Variants in DYNLL1 observed in about 807,000 individuals in gnomAD.
The protein encoded by DYNLL1 is dynein light chain 1, cytoplasmic.
A neutral mutation model predicts 10.1 loss-of-function variants in DYNLL1; 3 were observed. The ratio of observed to expected loss-of-function variants is 0.30; its 90% CI spans 0.14 to 0.77. The LOEUF (loss-of-function observed/expected upper bound fraction) is 0.77. Ranked by LOEUF, DYNLL1 falls within the 30% of genes least tolerant of loss-of-function variation. The probability of loss-of-function intolerance (pLI) is 0.66; values close to 1 mark genes in which losing one functional copy is unlikely to be tolerated. For missense variants in DYNLL1, 47 were observed against 111.7 expected, an observed-to-expected ratio of 0.42 and a Z score of 2.61; for synonymous variants, 46 against 41.2, an observed-to-expected ratio of 1.12 and a Z score of -0.45.
chr12:120,496,037 C>T (rs1359077623), upstream of DYNLL1: 13 of 347,366 alleles, frequency 3.7e-5, no homozygotes, highest in Non-Finnish European at 6.5e-5. Flanking sequence ...AATAGGGTCG[C>T]GCGGCGAGGG....
At chr12:120,491,911 C>T (rs1879141212), upstream of DYNLL1, 1 of 152,202 alleles carries the variant, frequency 6.6e-6, no homozygotes, top group Non-Finnish European at 1.5e-5. Flanking sequence ...GAGCTCCTGC[C>T]AGGGGCCGAC....
intron 1 of DYNLL1, among the ~76,000 whole-genome samples, chr12:120,479,996 G>A (rs568895989): frequency 6.6e-6 from 1 of 152,262 alleles, no homozygotes; most frequent in East Asian, 1.9e-4. Context: ...TGATCAGTCT[G>A]GGGGAAGGGG....
chr12:120,485,700 G>A (rs997576130), intron 1 of DYNLL1, among the ~76,000 whole-genome samples: 1 of 151,896 alleles, frequency 6.6e-6, no homozygotes, highest in Non-Finnish European at 1.5e-5. Context: ...AATTAGCCAG[G>A]TGTGGTGGTG....
At chr12:120,482,948 G>A (rs1307944908) in intron 1 of DYNLL1, among the ~76,000 whole-genome samples, 6 of 152,002 alleles carry the variant, frequency 3.9e-5, no homozygotes, top group Non-Finnish European at 8.8e-5. Context: ...GGCATCGGTG[G>A]CTCGTGCCTG....
chr12:120,487,881 A>G (rs1879033347), intron 1 of DYNLL1, among the ~76,000 whole-genome samples: 1 of 152,218 alleles, frequency 6.6e-6, no homozygotes, highest in South Asian at 2.1e-4. Context: ...GTCACTGGTT[A>G]CAGAGAATAG....
intron 1 of DYNLL1, among the ~76,000 whole-genome samples, chr12:120,484,292 T>C (rs887524043): frequency 3.2e-5 from 4 of 125,976 alleles, no homozygotes; most frequent in Non-Finnish European, 6.2e-5. Context: ...GATAGGAGCA[T>C]GAACAGTTCA....
At chr12:120,471,750 A>G (rs775312829) in intron 1 of DYNLL1, among the ~76,000 whole-genome samples, 10 of 152,018 alleles carry the variant, frequency 6.6e-5, no homozygotes, top group Non-Finnish European at 1.0e-4. Context: ...AGCTGGGACT[A>G]CAGGTGCCTG....
chr12:120,482,633 A>T (rs79070547), intron 1 of DYNLL1, among the ~76,000 whole-genome samples: 4,417 of 152,016 alleles, frequency 0.029, 224 homozygotes, highest in African/African-American at 0.1. Context: ...AGCCAAAACA[A>T]TTTTTTTACA....
chr12:120,487,846 C>G (rs1006621839), intron 1 of DYNLL1, among the ~76,000 whole-genome samples: 3 of 152,194 alleles, frequency 2.0e-5, no homozygotes, highest in Non-Finnish European at 4.4e-5. Context: ...CTTCACTCCA[C>G]TGCTTAGATA....
intron 1 of DYNLL1, among the ~76,000 whole-genome samples, chr12:120,471,692 G>A (rs1272705673): frequency 2.6e-5 from 4 of 151,860 alleles, no homozygotes; most frequent in Non-Finnish European, 5.9e-5. Context: ...CTCACTGCAA[G>A]CTCCGCCTCC....
At chr12:120,483,120 A>G (rs2137061951) in intron 1 of DYNLL1, among the ~76,000 whole-genome samples, 1 of 152,148 alleles carries the variant, frequency 6.6e-6, no homozygotes, top group African/African-American at 2.4e-5. Context: ...CGGGTGGATC[A>G]CAAGGTCAGG....
At chr12:120,484,020 G>A (rs1878940672) in intron 1 of DYNLL1, among the ~76,000 whole-genome samples, 1 of 152,120 alleles carries the variant, frequency 6.6e-6, no homozygotes, top group South Asian at 2.1e-4. Flanking sequence ...TGAGCTGTGT[G>A]GGTGCAGTGG....
intron 2 of DYNLL1, chr12:120,496,876 A>AG: frequency 6.7e-6 from 2 of 296,710 alleles, no homozygotes; most frequent in East Asian, 6.5e-5. Context: ...GGTGTTCCGG[A>AG]GGGGGGAGCT....
At chr12:120,478,273 A>G (rs1431388908) in intron 1 of DYNLL1, among the ~76,000 whole-genome samples, 5 of 150,314 alleles carry the variant, frequency 3.3e-5, no homozygotes, top group Admixed American at 6.6e-5. Flanking sequence ...ACGCCCAGCT[A>G]ATTTTGTATT....
intron 1 of DYNLL1, among the ~76,000 whole-genome samples, chr12:120,485,476 G>C (rs1437653967): frequency 6.6e-6 from 1 of 151,442 alleles, no homozygotes; most frequent in East Asian, 2.0e-4. Context: ...GGCTGGTCTT[G>C]AACTCCCGAC....
upstream of DYNLL1, chr12:120,496,099 G>C: frequency 2.2e-6 from 1 of 453,482 alleles, no homozygotes. Flanking sequence ...GCGGCGGCTG[G>C]CGTGGGGCTG....
At chr12:120,485,201 T>A (rs1470408825) in intron 1 of DYNLL1, among the ~76,000 whole-genome samples, 1 of 148,742 alleles carries the variant, frequency 6.7e-6, no homozygotes, top group African/African-American at 2.5e-5. Flanking sequence ...TGGGTGAGAG[T>A]GGGACCCCAT....
At chr12:120,485,296 G>A (rs564265115) in intron 1 of DYNLL1, among the ~76,000 whole-genome samples, 34 of 115,074 alleles carry the variant, frequency 3.0e-4, no homozygotes, top group Non-Finnish European at 4.7e-4. Flanking sequence ...TTGCTCTGTC[G>A]CCCAGGCTGG....
At chr12:120,480,035 C>T (rs770851132) in intron 1 of DYNLL1, among the ~76,000 whole-genome samples, 30 of 152,032 alleles carry the variant, frequency 2.0e-4, no homozygotes, top group Admixed American at 1.3e-3. Context: ...CTCACAGTGT[C>T]CAAAGGAGAG....
Sources: gnomAD v4.1 joint callset for allele counts (sites outside exome capture counted in the v4.1 genomes callset) on GRCh38, gnomAD v4.1.1 for gene constraint, MANE v1.5 for transcripts, NCBI Gene and HGNC (gene_info 2026-07-23, HGNC 2026-07-21) for gene names.